RBFOX1: variants seen among roughly 807,000 people sequenced by gnomAD.
The protein encoded by RBFOX1 is RNA binding fox-1 homolog 1.
In RBFOX1, 8 loss-of-function variants were observed where a neutral mutation model predicts 57.7. The ratio of observed to expected loss-of-function variants is 0.14; its 90% CI spans 0.08 to 0.25. RBFOX1 has a LOEUF of 0.25. Among genes scored for constraint, RBFOX1 ranks in the 10% least tolerant of loss-of-function variants. The probability of loss-of-function intolerance (pLI) is 1.00; values close to 1 mark genes in which losing one functional copy is unlikely to be tolerated. For synonymous variants in RBFOX1, 326 were observed against 222.4 expected (o/e 1.47, Z -4.15); for missense variants, 611 against 548.5 (o/e 1.11, Z -1.14).
At chr16:5,644,270 C>A (rs1370530220) in intron 3 of RBFOX1, among the ~76,000 whole-genome samples, 2 of 152,116 alleles carry the variant, frequency 1.3e-5, no homozygotes, top group Non-Finnish European at 2.9e-5. Context: ...ATATGAAGGA[C>A]AATGCAATTT....
At chr16:7,664,998 C>G (rs370954959) in intron 13 of RBFOX1, 30 bp downstream of exon 13, 3 of 1,613,840 alleles carry the variant, frequency 1.9e-6, no homozygotes, top group South Asian at 1.1e-5. Context: ...CATGCCATCC[C>G]CGTTTCCTCC....
intron 2 of RBFOX1, among the ~76,000 whole-genome samples, chr16:6,544,731 T>C (rs77921287): frequency 0.026 from 4,032 of 152,288 alleles, 157 homozygotes; most frequent in South Asian, 0.074. Context: ...CTCAGTTTCC[T>C]TGTTTGTCAC....
intron 12 of RBFOX1, among the ~76,000 whole-genome samples, chr16:7,654,222 C>A (rs1187932863): frequency 6.6e-6 from 1 of 152,210 alleles, no homozygotes; most frequent in Non-Finnish European, 1.5e-5. Flanking sequence ...TGCTGGAGAA[C>A]AGAGAAATGG....
At chr16:7,609,667 A>C (rs1044170523) in intron 10 of RBFOX1, among the ~76,000 whole-genome samples, 1 of 152,154 alleles carries the variant, frequency 6.6e-6, no homozygotes, top group Non-Finnish European at 1.5e-5. Flanking sequence ...CGATTTTCCA[A>C]ATGAGGATAC....
chr16:7,110,377 T>G (rs762508052), intron 4 of RBFOX1, among the ~76,000 whole-genome samples: 1 of 144,486 alleles, frequency 6.9e-6, no homozygotes, highest in Non-Finnish European at 1.5e-5. Context: ...AAAAGATCGT[T>G]CCCACTTTAC....
At position 7,711,199 on chromosome 16, in the gene RBFOX1, G is replaced by A. The variant is rs939158388; in HGVS notation, c.*454G>A. The A allele has an allele frequency of 3.3e-5, 5 of 150,292 alleles. No individual in the cohort carries two copies. Among genetic ancestry groups the A allele is most frequent in the Non-Finnish European group, 7.4e-5 (5 of 67,756 alleles). The allele number at this position is 150,292 out of a possible 1,614,324, so 9.3% of individuals were successfully genotyped here. On this transcript the variant is annotated 3_prime_UTR_variant, in exon 16 of 16. Coordinates refer to ENST00000550418, the MANE Select transcript of RBFOX1 (RefSeq NM_018723.4). Reference sequence around the variant, plus strand: ...GAAAGGGGAGGTTGGGAGGGGCTTAGGGGATTGGAACTGGGGTTTGGCTGA... The same window carrying A: ...GAAAGGGGAGGTTGGGAGGGGCTTAAGGGATTGGAACTGGGGTTTGGCTGA...
intron 3 of RBFOX1, among the ~76,000 whole-genome samples, chr16:6,908,760 A>C (rs371608540): frequency 6.6e-6 from 1 of 152,152 alleles, no homozygotes; most frequent in South Asian, 2.1e-4. Flanking sequence ...CTCACTGTGC[A>C]ATCTGGGACC....
chr16:7,460,382 T>TATAC (rs2059326863), intron 4 of RBFOX1, among the ~76,000 whole-genome samples: 1 of 89,800 alleles, frequency 1.1e-5, no homozygotes, highest in Admixed American at 1.4e-4. Context: ...TATATATATA[T>TATAC]ATATATATGT....
chr16:5,811,143 AT>A (rs374827330), intron 3 of RBFOX1, among the ~76,000 whole-genome samples: 114 of 104,562 alleles, frequency 1.1e-3, no homozygotes, highest in Admixed American at 2.1e-3. Flanking sequence ...TATGGAACAA[AT>A]TTTTTTTTTT....
rs540774614 is a variant in RBFOX1 at position 7,457,904 on chromosome 16, G to A, written c.28-60243G>A. Among the ~76,000 whole-genome samples the A allele has an allele frequency of 4.6e-5, 7 of 152,158 alleles. No homozygotes were observed. In the South Asian group the frequency reaches 8.3e-4, roughly 18 times the overall value. ...CCCAATACTCTAATGTCCAGTTAAC[G>A]TATATTCTCAGTCCCTCCAACAAGC... On this transcript the variant is annotated intron_variant, in intron 4 of 15. Coordinates refer to ENST00000550418, the MANE Select transcript of RBFOX1 (RefSeq NM_018723.4).
intron 4 of RBFOX1, among the ~76,000 whole-genome samples, chr16:7,224,127 T>TAAAAAAAAA (rs1168449932): frequency 1.9e-5 from 1 of 52,264 alleles, no homozygotes; most frequent in African/African-American, 7.7e-5. Flanking sequence ...TTCCTTTTTC[T>TAAAAAAAAA]AAAAAAAAAA....
At chr16:6,812,398 A>T (rs965893631) in intron 3 of RBFOX1, among the ~76,000 whole-genome samples, 1 of 152,050 alleles carries the variant, frequency 6.6e-6, no homozygotes, top group Non-Finnish European at 1.5e-5. Context: ...TTTGAGACGG[A>T]GTCTGGGTCT....
chr16:7,318,009 G>A (rs143764282), intron 4 of RBFOX1, among the ~76,000 whole-genome samples: 2 of 151,926 alleles, frequency 1.3e-5, no homozygotes, highest in East Asian at 1.9e-4. Context: ...TGGTGGTGAC[G>A]GTAGCGATGA....
At chr16:6,778,078 T>C (rs1181216431) in intron 3 of RBFOX1, among the ~76,000 whole-genome samples, 1 of 152,084 alleles carries the variant, frequency 6.6e-6, no homozygotes, top group African/African-American at 2.4e-5. Flanking sequence ...GAATAACAAA[T>C]AGATTGAAAG....
At chr16:7,221,370 T>C (rs1198673702) in intron 4 of RBFOX1, among the ~76,000 whole-genome samples, 1 of 151,430 alleles carries the variant, frequency 6.6e-6, no homozygotes, top group African/African-American at 2.4e-5. Context: ...TTTATTTTTT[T>C]ATTTATTTAT....
chr16:5,583,586 T>C (rs771860318), intron 2 of RBFOX1, among the ~76,000 whole-genome samples: 1 of 152,230 alleles, frequency 6.6e-6, no homozygotes, highest in Non-Finnish European at 1.5e-5. Flanking sequence ...CACGAATTGT[T>C]TCTTTTCTTT....
At chr16:6,904,695 T>TC (rs547161332) in intron 3 of RBFOX1, among the ~76,000 whole-genome samples, 229 of 151,650 alleles carry the variant, frequency 1.5e-3, no homozygotes, top group Non-Finnish European at 2.7e-3. Context: ...AGCTGCTTTT[T>TC]CCCGTCAGTT....
chr16:6,681,816 T>G (rs1294020159), intron 3 of RBFOX1, among the ~76,000 whole-genome samples: 1 of 152,228 alleles, frequency 6.6e-6, no homozygotes, highest in Non-Finnish European at 1.5e-5. Context: ...TACCCTTTCT[T>G]TTCAGCCGGG....
intron 3 of RBFOX1, among the ~76,000 whole-genome samples, chr16:6,811,910 A>G (rs990977760): frequency 6.6e-6 from 1 of 152,178 alleles, no homozygotes; most frequent in Admixed American, 6.5e-5. Flanking sequence ...TAAATAAAAT[A>G]CAAAATATAA....
Sources: allele counts gnomAD v4.1 joint callset (sites outside exome capture counted in the v4.1 genomes callset), GRCh38; gene constraint gnomAD v4.1.1; transcripts MANE v1.5; gene names NCBI Gene and HGNC (gene_info 2026-07-23, HGNC 2026-07-21).